The following TMEM131L variants were observed in gnomAD, a reference collection of about 807,000 sequenced individuals.
The protein encoded by TMEM131L is transmembrane protein 131-like.
In TMEM131L, 54 loss-of-function variants were observed where a neutral mutation model predicts 192.2. The ratio of observed to expected loss-of-function variants is 0.28; its 90% CI spans 0.23 to 0.35. TMEM131L has a LOEUF of 0.35. Among genes scored for constraint, TMEM131L ranks in the 10% least tolerant of loss-of-function variants. The probability of loss-of-function intolerance (pLI) is 1.00; values close to 1 mark genes in which losing one functional copy is unlikely to be tolerated. For synonymous variants in TMEM131L, 701 were observed against 704.9 expected (o/e 0.99, Z 0.09); for missense variants, 1,888 against 1,972.9 (o/e 0.96, Z 0.82).
chr4:153,477,119 T>C (rs761657598), intron 3 of TMEM131L, among the ~76,000 whole-genome samples: 13 of 152,098 alleles, frequency 8.5e-5, no homozygotes, highest in Non-Finnish European at 1.6e-4. Context: ...ACTTGTTGAA[T>C]TTGTTGTGGA....
chr4:153,485,781 T>A (rs1732290780), intron 3 of TMEM131L, among the ~76,000 whole-genome samples: 1 of 152,250 alleles, frequency 6.6e-6, no homozygotes, highest in African/African-American at 2.4e-5. Flanking sequence ...GTTAATCCAC[T>A]TAATCCATAA....
At position 153,602,560 on chromosome 4, in the gene TMEM131L, C is replaced by T. The variant is rs774139526; in HGVS notation, c.2472C>T (p.Thr824=). ...DISIVFTPDF[T]SSWVIRDLSL... ...TTTTCAGGTTCACTCCAGACTTTAC[C>T]TCCTCCTGGGTAATTCGGGACCTAA... Residue 824 remains threonine (T), a synonymous_variant, in exon 23 of 35, where the codon ACC becomes ACT. Transcript: ENST00000409959. The T allele has an allele frequency of 6.2e-7, 1 of 1,613,970 alleles. No homozygotes were observed. The highest frequency in any genetic ancestry group is 8.5e-7 in the Non-Finnish European group (1 of 1,179,928).
In TMEM131L at chr4:153,567,964, T is replaced by A. The variant is rs144206341; in HGVS notation, c.660+9596T>A. On this transcript the variant is annotated intron_variant, in intron 7 of 34. Coordinates refer to ENST00000409959, the MANE Select transcript of TMEM131L (RefSeq NM_001131007.2). Reference sequence around the variant, plus strand: ...TAGCACTCCTTTCAGTTTCTTTGAGTGATAAAAGTTGTTTGATCTTTTTTA... The same window carrying A: ...TAGCACTCCTTTCAGTTTCTTTGAGAGATAAAAGTTGTTTGATCTTTTTTA... Among the ~76,000 whole-genome samples, 118 of 152,322 alleles carry A rather than the reference T, an allele frequency of 7.7e-4. No homozygotes were observed. The South Asian group carries it at 8.5e-3, about 11-fold the overall frequency.
At position 153,603,946 on chromosome 4, in the gene TMEM131L, G is replaced by T; in HGVS notation, c.2934G>T (p.Lys978Asn). The T allele has an allele frequency of 1.9e-6, 3 of 1,614,020 alleles. No individual in the cohort carries two copies. The highest frequency in any genetic ancestry group is 2.5e-6 in the Non-Finnish European group (3 of 1,179,956). ...CCACCTATGGTCATTCTCAGAAGAA[G>T]CACAAATGCTCAGTGTATTACAGTA... is the stretch of plus-strand genomic sequence containing the variant. ...SPATYGHSQK[K>N]HKCSVYYSKH... is the part of the protein sequence containing the mutation. Residue 978 changes from lysine to asparagine, a missense_variant, in exon 25 of 35, where the codon AAG becomes AAT. By Grantham distance (94) the Lys-to-Asn change is moderately conservative. Transcript: ENST00000409959.
chr4:153,593,822 T>C lies in TMEM131L; in HGVS notation c.1946T>C (p.Ile649Thr). The change falls in exon 19 of 35, where the codon ATT (isoleucine) becomes ACT (threonine). Residue 649 changes from isoleucine (I) to threonine (T), a missense_variant. Ile to Thr is a moderately conservative substitution (Grantham distance 89). Transcript: ENST00000409959. Reference protein sequence around the residue: ...HRWFGTDMQMINFTTGEFQLT... With the variant: ...HRWFGTDMQMTNFTTGEFQLT... The stretch of plus-strand genomic sequence containing the variant: ...AGGTTTGGCACTGATATGCAGATGA[T>C]TAATTTCACAACTGGTGAATTCCAG... 6.2e-7 allele frequency: 1 copy of C among 1,613,496 alleles called. No homozygotes were observed. The highest frequency in any genetic ancestry group is 1.7e-5 in the Admixed American group (1 of 60,032).
At chr4:153,520,237 T>A (rs1358474422) in intron 3 of TMEM131L, among the ~76,000 whole-genome samples, 1 of 152,086 alleles carries the variant, frequency 6.6e-6, no homozygotes, top group Non-Finnish European at 1.5e-5. Flanking sequence ...AGAGGATTGC[T>A]TGAGCCCAGG....
At position 153,489,368 on chromosome 4, in the gene TMEM131L, G is replaced by C. The variant is rs567205847; in HGVS notation, c.239+15480G>C. On this transcript the variant is annotated intron_variant, in intron 3 of 34. Coordinates refer to ENST00000409959, the MANE Select transcript of TMEM131L (RefSeq NM_001131007.2). Reference sequence around the variant, plus strand: ...CCACGCAGTTTCTTCCCAGCTCATTGAACCTGGCCTTTTGGTTGAATGGAT... The same window carrying C: ...CCACGCAGTTTCTTCCCAGCTCATTCAACCTGGCCTTTTGGTTGAATGGAT... Among the ~76,000 whole-genome samples the C allele has an allele frequency of 6.6e-5, 10 of 152,328 alleles. No homozygotes were observed. In the South Asian group the frequency reaches 2.1e-3, roughly 32 times the overall value.
intron 3 of TMEM131L, among the ~76,000 whole-genome samples, chr4:153,489,628 C>T (rs1407973404): frequency 6.6e-6 from 1 of 152,102 alleles, no homozygotes; most frequent in Non-Finnish European, 1.5e-5. Context: ...CAGGCATGTA[C>T]CACCATGCCC....
intron 3 of TMEM131L, among the ~76,000 whole-genome samples, chr4:153,549,561 A>G (rs183097009): frequency 6.6e-6 from 1 of 152,228 alleles, no homozygotes; most frequent in Admixed American, 6.5e-5. Context: ...ATGAAATCAT[A>G]GTGATGATTA....
At chr4:153,620,261 T>C (rs1733296232) in intron 26 of TMEM131L, among the ~76,000 whole-genome samples, 1 of 152,258 alleles carries the variant, frequency 6.6e-6, no homozygotes, top group Non-Finnish European at 1.5e-5. Flanking sequence ...ACATCAGGCA[T>C]ATTCTTGCCT....
At chr4:153,506,026 G>A (rs959246636) in intron 3 of TMEM131L, among the ~76,000 whole-genome samples, 2 of 152,174 alleles carry the variant, frequency 1.3e-5, no homozygotes, top group Non-Finnish European at 2.9e-5. Context: ...AAAGATCAGA[G>A]GGAAGTATTT....
chr4:153,478,201 T>C (rs1341299950), intron 3 of TMEM131L, among the ~76,000 whole-genome samples: 1 of 152,234 alleles, frequency 6.6e-6, no homozygotes, highest in African/African-American at 2.4e-5. Context: ...GTGGGTGGGA[T>C]GCTGCTTTTA....
chr4:153,511,513 T>C (rs1734355587), intron 3 of TMEM131L, among the ~76,000 whole-genome samples: 1 of 151,946 alleles, frequency 6.6e-6, no homozygotes. Flanking sequence ...TCAGGAAAAA[T>C]AACTGAGTAC....
At chr4:153,525,471 C>T (rs1406977218) in intron 3 of TMEM131L, among the ~76,000 whole-genome samples, 1 of 151,790 alleles carries the variant, frequency 6.6e-6, no homozygotes, top group Non-Finnish European at 1.5e-5. Context: ...TCCCAGGTAG[C>T]TGGGGTTACA....
At chr4:153,482,609 T>C (rs1732026059) in intron 3 of TMEM131L, among the ~76,000 whole-genome samples, 1 of 152,212 alleles carries the variant, frequency 6.6e-6, no homozygotes, top group African/African-American at 2.4e-5. Flanking sequence ...ATTTATTTTT[T>C]GAGATAGGGT....
At chr4:153,485,670 A>C (rs1732280430) in intron 3 of TMEM131L, among the ~76,000 whole-genome samples, 1 of 152,232 alleles carries the variant, frequency 6.6e-6, no homozygotes, top group South Asian at 2.1e-4. Flanking sequence ...CAATCCAAAC[A>C]GTGTTCGATT....
intron 3 of TMEM131L, among the ~76,000 whole-genome samples, chr4:153,516,866 C>T (rs187193895): frequency 0.013 from 1,931 of 152,146 alleles, 38 homozygotes; most frequent in African/African-American, 0.044. Context: ...TGCTCCGTCA[C>T]TTAGGCTGGA....
rs753828462 is a variant in TMEM131L, at chr4:153,635,520, C to T, written c.4506C>T (p.Thr1502=). The part of the protein sequence containing the change: ...IDHNSQSTWN[T]PPNMPAAWGH... ...ACAACTCTCAGTCTACCTGGAACACCCCACCCAACATGCCTGCTGCCTGGG... is the reference window on the plus strand; with the variant it reads ...ACAACTCTCAGTCTACCTGGAACACTCCACCCAACATGCCTGCTGCCTGGG... The change falls in exon 34 of 35, where the codon ACC becomes ACT. Residue 1502 remains threonine (T), a synonymous_variant. Transcript: ENST00000409959. The T allele has an allele frequency of 1.9e-6, 3 of 1,614,112 alleles. No individual in the cohort carries two copies. The highest frequency in any genetic ancestry group is 1.7e-5 in the Admixed American group (1 of 60,026).
intron 21 of TMEM131L, among the ~76,000 whole-genome samples, chr4:153,600,132 A>C (rs969122285): frequency 6.6e-6 from 1 of 152,224 alleles, no homozygotes; most frequent in Non-Finnish European, 1.5e-5. Flanking sequence ...TGGGAGTCCA[A>C]GGTGGAAAGA....
Sources: gnomAD v4.1 joint callset for allele counts (sites outside exome capture counted in the v4.1 genomes callset) on GRCh38, gnomAD v4.1.1 for gene constraint, MANE v1.5 for transcripts, NCBI Gene and HGNC (gene_info 2026-07-23, HGNC 2026-07-21) for gene names.